TLN2: variants seen among roughly 807,000 people sequenced by gnomAD.
The protein encoded by TLN2 is talin-2.
A neutral mutation model predicts 294.7 loss-of-function variants in TLN2; 118 were observed. That is an observed-to-expected ratio of 0.40 (90% CI 0.34 to 0.47). The LOEUF is 0.47. TLN2 is among the 20% of genes least tolerant of loss of function. The pLI, the probability that TLN2 is intolerant of heterozygous loss-of-function variation, is 0.84. For synonymous variants in TLN2, 1,431 were observed against 1,304.5 expected (o/e 1.10, Z -2.09); for missense variants, 3,083 against 3,282.2 (o/e 0.94, Z 1.48).
At chr15:62,446,555 A>G (rs957127129) in intron 1 of TLN2, among the ~76,000 whole-genome samples, 7 of 152,158 alleles carry the variant, frequency 4.6e-5, no homozygotes, top group Non-Finnish European at 1.0e-4. Context: ...GGTTCTAGTC[A>G]TGGTTCTACT....
intron 1 of TLN2, among the ~76,000 whole-genome samples, chr15:62,487,332 C>G (rs1044537866): frequency 3.9e-4 from 59 of 152,188 alleles, no homozygotes; most frequent in African/African-American, 1.3e-3. Context: ...ATTCTGAGAA[C>G]TCAGGAGGCC....
chr15:62,435,233 G>A lies in TLN2; in HGVS notation c.-238+44548G>A, dbSNP rs371709564. ...ATAGTGCTGCAGTGAACATACGCAT[G>A]CATGTATCTTTATAGTAGAATGATT... On this transcript the variant is annotated intron_variant, in intron 1 of 58. Transcript: ENST00000636159. Among the ~76,000 whole-genome samples, 5 of 152,316 alleles carry A rather than the reference G, an allele frequency of 3.3e-5. No homozygotes were observed. The East Asian group carries it at 7.7e-4, about 24-fold the overall frequency.
At chr15:62,613,553 G>A (rs753290122) in intron 2 of TLN2, among the ~76,000 whole-genome samples, 2 of 152,100 alleles carry the variant, frequency 1.3e-5, no homozygotes, top group Admixed American at 6.5e-5. Flanking sequence ...CCTATCATGT[G>A]TCCCAGCGAT....
intron 3 of TLN2, among the ~76,000 whole-genome samples, chr15:62,636,543 C>T (rs2050403972): frequency 6.6e-6 from 1 of 152,028 alleles, no homozygotes; most frequent in Non-Finnish European, 1.5e-5. Context: ...AGATAAGTGG[C>T]AAGAATAGGT....
chr15:62,717,832 T>C (rs2140907524), intron 24 of TLN2, 143 bp downstream of exon 24: 1 of 544,934 alleles, frequency 1.8e-6, no homozygotes, highest in Non-Finnish European at 3.1e-6. Flanking sequence ...TCCAGGTGTC[T>C]ACACGTCTGG....
At chr15:62,699,357 A>G (rs1461279478) in intron 16 of TLN2, among the ~76,000 whole-genome samples, 1 of 152,118 alleles carries the variant, frequency 6.6e-6, no homozygotes, top group Non-Finnish European at 1.5e-5. Context: ...AGGGCCTGTT[A>G]AAATGAATGT....
intron 57 of TLN2, 192 bp downstream of exon 57, chr15:62,836,265 C>T (rs570807882): frequency 1.3e-4 from 111 of 843,310 alleles, no homozygotes; most frequent in South Asian, 6.0e-4. Flanking sequence ...CCATTCTCCT[C>T]GTGTGCCTTC....
chr15:62,406,832 G>T (rs889777107), intron 1 of TLN2, among the ~76,000 whole-genome samples: 3 of 152,050 alleles, frequency 2.0e-5, no homozygotes, highest in African/African-American at 7.2e-5. Context: ...CACTTTTTAT[G>T]AGGACAACAA....
intron 37 of TLN2, among the ~76,000 whole-genome samples, chr15:62,759,226 G>A (rs1438788308): frequency 6.6e-6 from 1 of 152,244 alleles, no homozygotes; most frequent in Non-Finnish European, 1.5e-5. Context: ...TGGAAGCAGA[G>A]TTCAGAAGTG....
At chr15:62,669,179 T>G (rs1411616232) in intron 9 of TLN2, among the ~76,000 whole-genome samples, 4 of 152,250 alleles carry the variant, frequency 2.6e-5, no homozygotes, top group Non-Finnish European at 4.4e-5. Context: ...TATATGTCAT[T>G]TGATACATTT....
intron 1 of TLN2, among the ~76,000 whole-genome samples, chr15:62,477,391 A>G (rs1200298587): frequency 6.6e-6 from 1 of 152,116 alleles, no homozygotes; most frequent in African/African-American, 2.4e-5. Flanking sequence ...GATGTGGGTA[A>G]AGTTACTGGA....
In TLN2 at chr15:62,794,072, TC is replaced by T. The variant is rs1427337909; in HGVS notation, c.5883+1290del. The stretch of plus-strand genomic sequence containing the variant: ...GTTATTGAAGTTATTCTTGCCAAGT[TC>T]CCCCATAAAAGGCCTTATAGCGGGA... On this transcript the variant is annotated intron_variant, in intron 46 of 58. Transcript: ENST00000636159. Among the ~76,000 whole-genome samples, 11 of 152,118 alleles carry T rather than the reference TC, an allele frequency of 7.2e-5. No individual in the cohort carries two copies. The East Asian group carries it at 2.1e-3, about 30-fold the overall frequency.
intron 1 of TLN2, among the ~76,000 whole-genome samples, chr15:62,408,516 C>T (rs998089196): frequency 6.6e-6 from 1 of 152,174 alleles, no homozygotes; most frequent in Non-Finnish European, 1.5e-5. Flanking sequence ...ACTACAATGA[C>T]CGTCTCTCTG....
At position 62,781,378 on chromosome 15, in the gene TLN2, G is replaced by A. The variant is rs572397998; in HGVS notation, c.5616+137G>A. On this transcript the variant is annotated intron_variant, in intron 44 of 58. Transcript: ENST00000636159. Reference sequence around the variant, plus strand: ...TAGTCCCTCAGGGGCTCCAGCTTCTGTCCTTTATCTGTGGTCTTTCTGGCT... The same window carrying A: ...TAGTCCCTCAGGGGCTCCAGCTTCTATCCTTTATCTGTGGTCTTTCTGGCT... The A allele has an allele frequency of 4.6e-5, 29 of 628,772 alleles. No individual in the cohort carries two copies. In the South Asian group the frequency reaches 5.9e-4, roughly 13 times the overall value. The allele number at this position is 628,772 out of a possible 1,614,324, so 38.9% of individuals were successfully genotyped here.
At chr15:62,817,361 A>C (rs961593188) in intron 52 of TLN2, among the ~76,000 whole-genome samples, 12 of 152,240 alleles carry the variant, frequency 7.9e-5, no homozygotes, top group African/African-American at 2.9e-4. Flanking sequence ...TAATATCTGC[A>C]GAATGATATA....
intron 28 of TLN2, among the ~76,000 whole-genome samples, chr15:62,728,222 T>C (rs1025979623): frequency 3.3e-5 from 5 of 152,172 alleles, no homozygotes; most frequent in Non-Finnish European, 1.5e-5. Flanking sequence ...TGTAAGTAAA[T>C]GGAATAATAC....
At chr15:62,444,427 A>G (rs1358634913) in intron 1 of TLN2, among the ~76,000 whole-genome samples, 1 of 152,248 alleles carries the variant, frequency 6.6e-6, no homozygotes, top group Non-Finnish European at 1.5e-5. Flanking sequence ...TGAATTCCCA[A>G]ATTTGTGAAT....
intron 1 of TLN2, among the ~76,000 whole-genome samples, chr15:62,514,359 T>C (rs2040079982): frequency 6.6e-6 from 1 of 152,236 alleles, no homozygotes; most frequent in Non-Finnish European, 1.5e-5. Flanking sequence ...AAATGTCTAA[T>C]GCTCTTAAGA....
intron 42 of TLN2, among the ~76,000 whole-genome samples, chr15:62,771,389 C>T (rs577804042): frequency 3.3e-4 from 50 of 152,268 alleles, no homozygotes; most frequent in African/African-American, 1.2e-3. Context: ...ATGTATGGTG[C>T]GATGATTACA....
Sources: allele counts gnomAD v4.1 joint callset (sites outside exome capture counted in the v4.1 genomes callset), GRCh38; gene constraint gnomAD v4.1.1; transcripts MANE v1.5; gene names NCBI Gene and HGNC (gene_info 2026-07-23, HGNC 2026-07-21).